The following EBF3 variants were observed in gnomAD, a reference collection of about 807,000 sequenced individuals.
EBF3 encodes transcription factor COE3.
A neutral mutation model predicts 77.1 loss-of-function variants in EBF3; 18 were observed. The observed-to-expected ratio is 0.23, with a 90% confidence interval of 0.16 to 0.35. The LOEUF (loss-of-function observed/expected upper bound fraction) is 0.35, where lower values mean the gene tolerates loss of function less well. Among genes scored for constraint, EBF3 ranks in the 10% least tolerant of loss-of-function variants. EBF3 has a pLI of 1.00. For synonymous variants in EBF3, 350 were observed against 343.5 expected (o/e 1.02, Z -0.21); for missense variants, 558 against 860.0 (o/e 0.65, Z 4.39).
At chr10:129,846,640 C>T (rs543446447) in intron 11 of EBF3, among the ~76,000 whole-genome samples, 5 of 152,146 alleles carry the variant, frequency 3.3e-5, no homozygotes, top group African/African-American at 1.2e-4. Flanking sequence ...AGATGGCTGG[C>T]TTAACCATGA....
At chr10:129,905,762 A>G (rs897424474) in intron 6 of EBF3, among the ~76,000 whole-genome samples, 2 of 152,088 alleles carry the variant, frequency 1.3e-5, no homozygotes, top group African/African-American at 2.4e-5. Context: ...GGTCCTGGGA[A>G]CCCTGGAATT....
chr10:129,958,823 A>G, intron 5 of EBF3, 111 bp downstream of exon 5: 1 of 1,373,670 alleles, frequency 7.3e-7, no homozygotes, highest in Non-Finnish European at 9.6e-7. Context: ...ATTTCAATCG[A>G]TGCCCTTCCC....
At chr10:129,883,670 T>C (rs1853365303) in intron 6 of EBF3, among the ~76,000 whole-genome samples, 1 of 143,252 alleles carries the variant, frequency 7.0e-6, no homozygotes, top group Non-Finnish European at 1.5e-5. Flanking sequence ...TAATACGTAA[T>C]AACCTTGACA....
chr10:129,921,267 T>G (rs1000146593), intron 6 of EBF3, among the ~76,000 whole-genome samples: 2 of 152,118 alleles, frequency 1.3e-5, no homozygotes, highest in African/African-American at 4.8e-5. Flanking sequence ...GGGTGGTCAC[T>G]GCAGTGGGGC....
At chr10:129,846,763 G>C (rs1280101591) in intron 11 of EBF3, among the ~76,000 whole-genome samples, 1 of 152,100 alleles carries the variant, frequency 6.6e-6, no homozygotes, top group Non-Finnish European at 1.5e-5. Flanking sequence ...ATCTCGTTCA[G>C]TGATCGTTTT....
chr10:129,942,583 G>A (rs1387207471), intron 6 of EBF3, among the ~76,000 whole-genome samples: 1 of 152,108 alleles, frequency 6.6e-6, no homozygotes, highest in African/African-American at 2.4e-5. Context: ...CAGACAACTC[G>A]GGCCCCGGGG....
rs191153169 is a variant in EBF3 at position 129,912,736 on chromosome 10, C to T, written c.555-34887G>A. 1.7e-3 allele frequency among the ~76,000 whole-genome samples: 254 copies of T among 152,270 alleles called. 3 individuals carry two copies. Among genetic ancestry groups the T allele is most frequent in the Non-Finnish European group, 2.7e-3 (187 of 68,022 alleles). On this transcript the variant is annotated intron_variant, in intron 6 of 16. Transcript: ENST00000440978. ...CAGTGCTCAGTGGAAATTTCAAGGC[C>T]CCTCTCTTCTGACAAGTAGAAATAT...
intron 7 of EBF3, among the ~76,000 whole-genome samples, chr10:129,875,326 A>G (rs1852696492): frequency 6.6e-6 from 1 of 150,450 alleles, no homozygotes; most frequent in South Asian, 2.1e-4. Context: ...CCTCCCTAGT[A>G]GCTGGGATTA....
intron 6 of EBF3, among the ~76,000 whole-genome samples, chr10:129,949,884 T>G (rs765522310): frequency 2.2e-4 from 34 of 152,004 alleles, no homozygotes; most frequent in Non-Finnish European, 3.8e-4. Context: ...CAAGGGCAAA[T>G]GCTTTTAGGG....
At chr10:129,925,625 T>A (rs1277099352) in intron 6 of EBF3, among the ~76,000 whole-genome samples, 2 of 149,996 alleles carry the variant, frequency 1.3e-5, no homozygotes, top group East Asian at 1.9e-4. Flanking sequence ...AGAAAGAAAG[T>A]AATGGTGTGA....
chr10:129,848,523 A>G lies in EBF3; in HGVS notation c.1040-43T>C, dbSNP rs1156464292. ...AATGTAGATCAGGTTAATTACTTTTATGTCATCCATTACTCGTTTATTGCA... is the reference window on the plus strand; with the variant it reads ...AATGTAGATCAGGTTAATTACTTTTGTGTCATCCATTACTCGTTTATTGCA... On this transcript the variant is annotated intron_variant, in intron 10 of 16. Coordinates refer to ENST00000440978, the MANE Select transcript of EBF3 (RefSeq NM_001375380.1). The surrounding 1 kb of genome is among the most constrained non-coding windows in gnomAD (Gnocchi z 4.4). The G allele has an allele frequency of 4.4e-6, 7 of 1,592,626 alleles. No individual in the cohort carries two copies. The highest frequency in any genetic ancestry group is 6.0e-6 in the Non-Finnish European group (7 of 1,160,478).
rs1849705285 is a variant in EBF3 at position 129,837,863 on chromosome 10, T to C, written c.*80A>G. On this transcript the variant is annotated 3_prime_UTR_variant, in exon 17 of 17. Transcript: ENST00000440978. ...CTGTTTCCATCAGCATGTCTTAATA[T>C]ACTAAACGTGTCCCCTGAAGTCCGT... 3.1e-6 allele frequency: 5 copies of C among 1,595,220 alleles called. No individual in the cohort carries two copies. The highest frequency in any genetic ancestry group is 1.1e-5 in the South Asian group (1 of 90,400).
intron 10 of EBF3, among the ~76,000 whole-genome samples, chr10:129,857,252 T>C (rs1327845097): frequency 6.6e-6 from 1 of 152,216 alleles, no homozygotes; most frequent in Non-Finnish European, 1.5e-5. Flanking sequence ...GAACACAGCA[T>C]GCTGGATTAT....
At position 129,963,684 on chromosome 10, in the gene EBF3, A is replaced by T; in HGVS notation, c.85T>A (p.Ser29Thr). 1 of 1,522,882 alleles carries T rather than the reference A, an allele frequency of 6.6e-7. No individual in the cohort carries two copies. The highest frequency in any genetic ancestry group is 8.9e-7 in the Non-Finnish European group (1 of 1,128,962). The allele number at this position is 1,522,882 out of a possible 1,614,324, so 94.3% of individuals were successfully genotyped here. Residue 29 changes from serine to threonine, a missense_variant, in exon 1 of 17, where the codon TCG becomes ACG. By Grantham distance (58) the Ser-to-Thr change is moderately conservative (BLOSUM62 1). Coordinates refer to ENST00000440978, the MANE Select transcript of EBF3 (RefSeq NM_001375380.1). The surrounding 1 kb of genome is among the most constrained non-coding windows in gnomAD (Gnocchi z 7.1). ...ACCACGCCCGCCGTGTGCATCCACG[A>T]GCGCACCGGGTTCATGCCGCTGCCC... ...PLGSGMNPVR[S>T]WMHTAGVVDA...
intron 7 of EBF3, among the ~76,000 whole-genome samples, chr10:129,876,924 G>A (rs549755384): frequency 3.2e-4 from 28 of 86,268 alleles, no homozygotes; most frequent in Admixed American, 1.3e-3. Context: ...CTCTGTATCC[G>A]TCTTTTGGAT....
intron 6 of EBF3, among the ~76,000 whole-genome samples, chr10:129,905,779 G>A (rs560127269): frequency 6.6e-6 from 1 of 152,282 alleles, no homozygotes; most frequent in Admixed American, 6.5e-5. Context: ...AATTGAACTC[G>A]CCTCCACCCT....
intron 6 of EBF3, among the ~76,000 whole-genome samples, chr10:129,893,604 C>G (rs1854166006): frequency 6.6e-6 from 1 of 151,988 alleles, no homozygotes; most frequent in African/African-American, 2.4e-5. Context: ...AAATTTTTAC[C>G]AGCTCTGACA....
Position 129,883,491 on chromosome 10 carries a change from T to C in EBF3, c.555-5642A>G, listed in dbSNP as rs746594772. On this transcript the variant is annotated intron_variant, in intron 6 of 16. Transcript: ENST00000440978. ...GCTTTTGAGTTTTAAGGCAGAGAGC[T>C]CTTAATAAGCAGCAAACTCATACAA... Among the ~76,000 whole-genome samples the C allele has an allele frequency of 2.4e-4, 37 of 152,254 alleles. No homozygotes were observed. The Middle Eastern group carries it at 0.017, about 70-fold the overall frequency.
intron 6 of EBF3, among the ~76,000 whole-genome samples, chr10:129,912,925 C>T (rs539798228): frequency 6.6e-6 from 1 of 152,380 alleles, no homozygotes; most frequent in African/African-American, 2.4e-5. Flanking sequence ...ATTTGAAACA[C>T]ATCTAAGTCG....
Sources: allele counts gnomAD v4.1 joint callset (sites outside exome capture counted in the v4.1 genomes callset), GRCh38; gene constraint gnomAD v4.1.1; non-coding constraint Gnocchi (gnomAD v3.1); transcripts MANE v1.5; gene names NCBI Gene and HGNC (gene_info 2026-07-23, HGNC 2026-07-21).